LTO1: variants seen among roughly 807,000 people sequenced by gnomAD.
LTO1 encodes LTO1 maturation factor of ABCE1, also known as protein LTO1 homolog.
LTO1 carries 18 observed loss-of-function variants against 19.8 expected under a neutral mutation model. That is an observed-to-expected ratio of 0.91 (90% CI 0.63 to 1.35). The LOEUF is 1.35. Ranked by LOEUF, LTO1 falls within the 40% of genes most tolerant of loss-of-function variation. The pLI is 0.00. For missense variants in LTO1, 175 were observed against 167.9 expected (o/e 1.04, Z -0.23); for synonymous variants, 59 against 59.6 (o/e 0.99, Z 0.05).
chr11:69,673,526 G>A lies in LTO1; in HGVS notation c.51-205C>T. On this transcript the variant is annotated intron_variant, in intron 1 of 4. Transcript: ENST00000279147. ...TCTGGAAGTCACTGTACCTCTTGTA[G>A]CCCAGTTTCTTCATCTACAACAAAG... 4 of 565,810 alleles carry A rather than the reference G, an allele frequency of 7.1e-6. No individual in the cohort carries two copies. The South Asian group carries it at 8.4e-5, about 12-fold the overall frequency. 35.0% of individuals were successfully genotyped at this position (565,810 alleles called of 1,614,324 possible).
At chr11:69,674,914 G>A (rs1370175568) in intron 1 of LTO1, 4 of 679,404 alleles carry the variant, frequency 5.9e-6, no homozygotes, top group African/African-American at 1.8e-5. Flanking sequence ...CTCGGAGGAG[G>A]GGAACCACCA....
Position 69,673,308 on chromosome 11 carries a change from C to G in LTO1, c.64G>C (p.Gly22Arg). The G allele has an allele frequency of 6.2e-7, 1 of 1,607,770 alleles. No individual in the cohort carries two copies. The highest frequency in any genetic ancestry group is 8.5e-7 in the Non-Finnish European group (1 of 1,174,200). ...VMADERFHGEGYREGYEEGSS... is the reference protein window; with the variant it reads ...VMADERFHGERYREGYEEGSS... ...CCTTCTTCATAGCCTTCCCGATACC[C>G]TTCCCCATGAAACCTGTGAAGAAGA... is the stretch of plus-strand genomic sequence containing the variant. Residue 22 changes from glycine to arginine, a missense_variant, in exon 2 of 5, where the codon GGG becomes CGG. Transcript: ENST00000279147.
At chr11:69,668,981 T>A (rs1856071775) in intron 3 of LTO1, among the ~76,000 whole-genome samples, 2 of 149,042 alleles carry the variant, frequency 1.3e-5, no homozygotes, top group African/African-American at 5.0e-5. Context: ...TGAGCTAAGA[T>A]TGTGCCACTG....
At chr11:69,670,135 G>A (rs974999319) in intron 3 of LTO1, among the ~76,000 whole-genome samples, 1 of 152,168 alleles carries the variant, frequency 6.6e-6, no homozygotes, top group Non-Finnish European at 1.5e-5. Context: ...GCGGCTGCGA[G>A]GGGGGTCTGG....
At chr11:69,670,951 A>C (rs1449389362) in intron 3 of LTO1, among the ~76,000 whole-genome samples, 1 of 152,168 alleles carries the variant, frequency 6.6e-6, no homozygotes, top group Non-Finnish European at 1.5e-5. Flanking sequence ...CCCAGGCTGG[A>C]GCGCAGTGGC....
intron 2 of LTO1, 75 bp from the exon 3 acceptor site, chr11:69,671,894 C>T: frequency 1.1e-6 from 1 of 887,198 alleles, no homozygotes; most frequent in Non-Finnish European, 1.9e-6. Context: ...GATCTCAAAA[C>T]AAAAGGTGGG....
Position 69,667,374 on chromosome 11 carries a change from G to A in LTO1, c.*145C>T. 1.5e-6 allele frequency: 1 copy of A among 646,756 alleles called. No homozygotes were observed. The highest frequency in any genetic ancestry group is 2.8e-6 in the Non-Finnish European group (1 of 360,126). 40.1% of individuals were successfully genotyped at this position (646,756 alleles called of 1,614,324 possible). Reference sequence around the variant, plus strand: ...GACACAGGCAGAAAACCCCAGGGAAGGAAGCCCTCCCACGGCCGAACCGGA... The same window carrying A: ...GACACAGGCAGAAAACCCCAGGGAAAGAAGCCCTCCCACGGCCGAACCGGA... On this transcript the variant is annotated 3_prime_UTR_variant, in exon 5 of 5. Coordinates refer to ENST00000279147, the MANE Select transcript of LTO1 (RefSeq NM_153451.3).
rs145159179 is a variant in LTO1, at chr11:69,673,271, C to A, written c.101G>T (p.Gly34Val). 1.3e-4 allele frequency: 207 copies of A among 1,613,954 alleles called. No individual in the cohort carries two copies. The highest frequency in any genetic ancestry group is 9.0e-4 in the Admixed American group (54 of 60,024). ...REGYEEGSSL[G>V]VMEGRQHGTL... The stretch of plus-strand genomic sequence containing the variant: ...GCCATGCTGCCTTCCCTCCATCACA[C>A]CCAAACTACTGCCTTCTTCATAGCC... Residue 34 changes from glycine (G) to valine (V), a missense_variant, in exon 2 of 5, where the codon GGT becomes GTT. Physicochemically the swap from Gly to Val is moderately radical, Grantham distance 109. Coordinates refer to ENST00000279147, the MANE Select transcript of LTO1 (RefSeq NM_153451.3).
intron 2 of LTO1, chr11:69,672,989 A>T (rs1856129395): frequency 1.8e-6 from 1 of 550,222 alleles, no homozygotes; most frequent in African/African-American, 1.9e-5. Context: ...TTTAGTAGAG[A>T]CAGGGTTTCA....
chr11:69,674,966 G>A (rs1462767359), intron 1 of LTO1: 5 of 693,452 alleles, frequency 7.2e-6, no homozygotes, highest in South Asian at 1.5e-5. Flanking sequence ...GGGAAGGCGG[G>A]TCTGGAAGAG....
rs1188880429 is a variant in LTO1 at position 69,671,417 on chromosome 11, G to A, written c.227+332C>T. The A allele has an allele frequency of 4.3e-5, 10 of 231,232 alleles. No individual in the cohort carries two copies. In the East Asian group the frequency reaches 5.4e-4, roughly 12 times the overall value. 14.3% of individuals were successfully genotyped at this position (231,232 alleles called of 1,614,324 possible). The stretch of plus-strand genomic sequence containing the variant: ...TTTATTAGAAGCTCAGGGGAAAGGT[G>A]AATGAGAAAATACAATCAATGTCAA... On this transcript the variant is annotated intron_variant, in intron 3 of 4. Coordinates refer to ENST00000279147, the MANE Select transcript of LTO1 (RefSeq NM_153451.3).
At chr11:69,672,604 T>C (rs1856123441) in intron 2 of LTO1, 1 of 158,324 alleles carries the variant, frequency 6.3e-6, no homozygotes. Context: ...GGGCACCCAT[T>C]CTTTGGCTTA....
rs1261448007 is a variant in LTO1, at chr11:69,674,556, A to G, written c.50+634T>C. 8.5e-6 allele frequency: 3 copies of G among 351,478 alleles called. No individual in the cohort carries two copies. In the Admixed American group the frequency reaches 1.1e-4, roughly 13 times the overall value. 21.8% of individuals were successfully genotyped at this position (351,478 alleles called of 1,614,324 possible). ...GAATAATAGGATCCACTTACTAAGT[A>G]GGGCTGAAGTAGATAACCAGGGTGG... On this transcript the variant is annotated intron_variant, in intron 1 of 4. Transcript: ENST00000279147.
Position 69,675,183 on chromosome 11 carries a change from C to A in LTO1, c.50+7G>T. 1 of 1,574,076 alleles carries A rather than the reference C, an allele frequency of 6.4e-7. No homozygotes were observed. Among genetic ancestry groups the A allele is most frequent in the Non-Finnish European group, 8.6e-7 (1 of 1,165,436 alleles). On this transcript the variant is annotated splice_region_variant and intron_variant, in intron 1 of 4. Transcript: ENST00000279147. Reference sequence around the variant, plus strand: ...GGGCGGGGTGCGGGCCCGGCCTCACCACCCACCTCTCATCCGCCATCACGA... The same window carrying A: ...GGGCGGGGTGCGGGCCCGGCCTCACAACCCACCTCTCATCCGCCATCACGA...
intron 3 of LTO1, among the ~76,000 whole-genome samples, chr11:69,668,705 G>A (rs1403554791): frequency 1.3e-5 from 2 of 150,784 alleles, no homozygotes; most frequent in African/African-American, 4.9e-5. Context: ...GAGAGTAACA[G>A]CAACCTCACA....
chr11:69,667,749 G>A (rs913476017), intron 4 of LTO1, 146 bp downstream of exon 4: 6 of 709,002 alleles, frequency 8.5e-6, no homozygotes, highest in Admixed American at 4.7e-5. Flanking sequence ...CCTGCACTGC[G>A]ACTCAAGGAT....
rs1856036188 is a variant in LTO1 at position 69,666,623 on chromosome 11, A to G, written c.*896T>C. 6.6e-6 allele frequency: 1 copy of G among 152,264 alleles called. No homozygotes were observed. The highest frequency in any genetic ancestry group is 1.5e-5 in the Non-Finnish European group (1 of 68,092). The allele number at this position is 152,264 out of a possible 1,614,324, so 9.4% of individuals were successfully genotyped here. On this transcript the variant is annotated 3_prime_UTR_variant, in exon 5 of 5. Coordinates refer to ENST00000279147, the MANE Select transcript of LTO1 (RefSeq NM_153451.3). ...GGTTCTCAAAGCTTCTGCAAATATA[A>G]CGGCGGCCTAACATTTGGTCTTTGG...
intron 3 of LTO1, among the ~76,000 whole-genome samples, chr11:69,669,188 G>C (rs1029551333): frequency 6.6e-6 from 1 of 152,092 alleles, no homozygotes; most frequent in African/African-American, 2.4e-5. Context: ...TGTACATCTC[G>C]TGGGGCCAGG....
At chr11:69,673,727 G>C (rs1274358399) in intron 1 of LTO1, among the ~76,000 whole-genome samples, 4 of 117,074 alleles carry the variant, frequency 3.4e-5, no homozygotes, top group South Asian at 2.7e-4. Context: ...GGTCTCTGTT[G>C]CCCTGCCTGG....
Sources: gnomAD v4.1 joint callset for allele counts (sites outside exome capture counted in the v4.1 genomes callset) on GRCh38, gnomAD v4.1.1 for gene constraint, MANE v1.5 for transcripts, NCBI Gene and HGNC (gene_info 2026-07-23, HGNC 2026-07-21) for gene names.